The following NF1 variants were observed in gnomAD, a reference collection of about 807,000 sequenced individuals.
NF1 encodes the protein neurofibromin 1, also known as neurofibromin.
A neutral mutation model predicts 325.7 loss-of-function variants in NF1; 122 were observed. The observed-to-expected ratio is 0.37, with a 90% confidence interval of 0.32 to 0.44. The LOEUF is 0.44. Among genes scored for constraint, NF1 ranks in the 20% least tolerant of loss-of-function variants. The pLI, the probability that NF1 is intolerant of heterozygous loss-of-function variation, is 1.00. For missense variants in NF1, 2,140 were observed against 3,415.4 expected, an observed-to-expected ratio of 0.63 and a Z score of 9.31; for synonymous variants, 1,091 against 1,186.0, an observed-to-expected ratio of 0.92 and a Z score of 1.65.
intron 36 of NF1, chr17:31,294,964 A>C: frequency 1.2e-6 from 2 of 1,613,452 alleles, no homozygotes; most frequent in South Asian, 2.2e-5. Flanking sequence ...TCCCAACTGT[A>C]CATCAGGGAG....
intron 51 of NF1, among the ~76,000 whole-genome samples, chr17:31,355,483 A>G (rs2070249163): frequency 6.6e-6 from 1 of 152,168 alleles, no homozygotes; most frequent in Non-Finnish European, 1.5e-5. Flanking sequence ...TTCTTGAGGT[A>G]ATAGACTTTG....
chr17:31,355,508 T>A (rs2070249822), intron 51 of NF1, among the ~76,000 whole-genome samples: 1 of 152,230 alleles, frequency 6.6e-6, no homozygotes, highest in Non-Finnish European at 1.5e-5. Context: ...TCTCAAGTGT[T>A]AAATTGTCAG....
chr17:31,332,295 C>T (rs1408764616), intron 39 of NF1, among the ~76,000 whole-genome samples: 2 of 151,834 alleles, frequency 1.3e-5, no homozygotes, highest in Admixed American at 1.3e-4. Context: ...GAAATCCCCT[C>T]TCTACTAAAA....
At chr17:31,332,534 G>A (rs2069528998) in intron 39 of NF1, among the ~76,000 whole-genome samples, 1 of 150,926 alleles carries the variant, frequency 6.6e-6, no homozygotes, top group African/African-American at 2.4e-5. Context: ...GGTGCTGACC[G>A]ATTAATAAAA....
rs17883675 is a variant in NF1, at chr17:31,225,872, C to T, written c.2002-563C>T. Among the ~76,000 whole-genome samples the T allele has an allele frequency of 2.2e-4, 34 of 152,256 alleles. No individual in the cohort carries two copies. The East Asian group carries it at 3.1e-3, about 14-fold the overall frequency. Reference sequence around the variant, plus strand: ...ATGTCTGTTTTACTTGTAGAATTTGCATTTATTTTATCAATTATTTTCTCC... The same window carrying T: ...ATGTCTGTTTTACTTGTAGAATTTGTATTTATTTTATCAATTATTTTCTCC... On this transcript the variant is annotated intron_variant, in intron 17 of 57. Transcript: ENST00000358273.
chr17:31,363,252 A>G (rs2070436947), intron 57 of NF1, among the ~76,000 whole-genome samples: 1 of 152,160 alleles, frequency 6.6e-6, no homozygotes, highest in Non-Finnish European at 1.5e-5. Flanking sequence ...CACAAAACCC[A>G]TTTGTATCTC....
intron 12 of NF1, among the ~76,000 whole-genome samples, chr17:31,214,249 G>A (rs921786707): frequency 3.9e-5 from 6 of 151,902 alleles, no homozygotes; most frequent in African/African-American, 1.2e-4. Context: ...TATAAATGGT[G>A]CAAAAACGAT....
At chr17:31,314,179 A>C in intron 36 of NF1, 1 of 391,682 alleles carries the variant, frequency 2.6e-6, no homozygotes, top group Non-Finnish European at 4.5e-6. Flanking sequence ...GTGACTAAGA[A>C]ATATATTACT....
chr17:31,200,359 T>G, intron 8 of NF1, 63 bp from the exon 9 acceptor site: 3 of 1,490,772 alleles, frequency 2.0e-6, no homozygotes, highest in Non-Finnish European at 2.8e-6. Context: ...GCTATAATAT[T>G]AGCTACATCT....
At chr17:31,201,287 C>T (rs2143882464) in intron 10 of NF1, 124 bp from the exon 11 acceptor site, 1 of 1,480,064 alleles carries the variant, frequency 6.8e-7, no homozygotes, top group Non-Finnish European at 9.3e-7. Flanking sequence ...ATGTTCGTTT[C>T]AAGACCTTAA....
intron 57 of NF1, among the ~76,000 whole-genome samples, chr17:31,371,234 A>T (rs2070631273): frequency 6.6e-6 from 1 of 152,170 alleles, no homozygotes; most frequent in South Asian, 2.1e-4. Context: ...AATGATCTTT[A>T]CCCTTCTCAG....
At chr17:31,313,407 A>G (rs2068933409) in intron 36 of NF1, among the ~76,000 whole-genome samples, 1 of 152,132 alleles carries the variant, frequency 6.6e-6, no homozygotes, top group African/African-American at 2.4e-5. Context: ...AACTAAGGTT[A>G]ACAAATATGA....
chr17:31,148,413 T>C (rs1265620953), intron 1 of NF1, among the ~76,000 whole-genome samples: 2 of 140,780 alleles, frequency 1.4e-5, no homozygotes, highest in African/African-American at 2.5e-5. Flanking sequence ...TTTTTTTTCC[T>C]CCAGACATAG....
At chr17:31,269,137 TCTC>T (rs748011122) in intron 36 of NF1, among the ~76,000 whole-genome samples, 4 of 152,148 alleles carry the variant, frequency 2.6e-5, no homozygotes, top group South Asian at 2.1e-4. Context: ...GTAGCATTAT[TCTC>T]CTCCTCCTTC....
chr17:31,371,929 G>A (rs1459256897), intron 57 of NF1, among the ~76,000 whole-genome samples: 2 of 152,188 alleles, frequency 1.3e-5, no homozygotes, highest in Non-Finnish European at 2.9e-5. Flanking sequence ...CTCTTGAGTC[G>A]AATTCAGAGC....
chr17:31,174,369 A>G (rs1284194216), intron 5 of NF1, among the ~76,000 whole-genome samples: 12 of 152,198 alleles, frequency 7.9e-5, no homozygotes, highest in Non-Finnish European at 1.8e-4. Flanking sequence ...TGGTGATAGC[A>G]GCATTTGGCC....
rs187684343 is a variant in NF1, at chr17:31,228,398, G to A, written c.2410-627G>A. Among the ~76,000 whole-genome samples the A allele has an allele frequency of 3.7e-3, 561 of 152,270 alleles. 3 individuals are homozygous for A. The highest frequency in any genetic ancestry group is 8.5e-3 in the South Asian group (41 of 4,816). On this transcript the variant is annotated intron_variant, in intron 20 of 57. Coordinates refer to ENST00000358273, the MANE Select transcript of NF1 (RefSeq NM_001042492.3). ...GTACCTAATACCTTTATTTGGAGGG[G>A]ACATGTAGCTTTAGAATGAAAGCTT... is the stretch of plus-strand genomic sequence containing the variant.
At chr17:31,134,474 TTGTTA>T (rs148578805) in intron 1 of NF1, among the ~76,000 whole-genome samples, 142 of 152,282 alleles carry the variant, frequency 9.3e-4, no homozygotes, top group African/African-American at 3.2e-3. Flanking sequence ...TAGTTATTTA[TTGTTA>T]TGTTATAAAT....
intron 51 of NF1, 39 bp downstream of exon 51, chr17:31,352,453 T>A: frequency 6.8e-7 from 1 of 1,462,516 alleles, no homozygotes; most frequent in Non-Finnish European, 9.1e-7. Flanking sequence ...TTTTATTATT[T>A]AAAAAAATAG....
Sources: gnomAD v4.1 joint callset for allele counts (sites outside exome capture counted in the v4.1 genomes callset) on GRCh38, gnomAD v4.1.1 for gene constraint, MANE v1.5 for transcripts, NCBI Gene and HGNC (gene_info 2026-07-23, HGNC 2026-07-21) for gene names.